The following SLC27A6 variants were observed in gnomAD, a reference collection of about 807,000 sequenced individuals.
The protein encoded by SLC27A6 is solute carrier family 27 member 6, also known as long-chain fatty acid transport protein 6.
In SLC27A6, 74 loss-of-function variants were observed where a neutral mutation model predicts 63.9. The observed-to-expected ratio is 1.16, with a 90% CI of 0.96 to 1.40. The LOEUF is 1.40. SLC27A6 is among the 40% of genes most tolerant of loss of function. SLC27A6 has a pLI of 0.00. For synonymous variants in SLC27A6, 287 were observed against 260.8 expected, an observed-to-expected ratio of 1.10 and a Z score of -0.97; for missense variants, 794 against 732.9, an observed-to-expected ratio of 1.08 and a Z score of -0.96.
At position 128,966,055 on chromosome 5, in the gene SLC27A6, G is replaced by A. The variant is rs1289959701; in HGVS notation, c.-83G>A. 3.4e-6 allele frequency: 5 copies of A among 1,479,958 alleles called. No individual in the cohort carries two copies. The highest frequency in any genetic ancestry group is 2.3e-5 in the East Asian group (1 of 43,552). 91.7% of individuals were successfully genotyped at this position (1,479,958 alleles called of 1,614,324 possible). A position where few individuals can be genotyped will look rare whatever the true frequency, so the allele number is the denominator to read the frequency against. ...TAAGCCCTGAGTAGTGAGGATCTGC[G>A]GTCTCCGTGGAGAGCTGTGCCTGGA... On this transcript the variant is annotated 5_prime_UTR_variant, in exon 1 of 10. Transcript: ENST00000262462.
intron 4 of SLC27A6, among the ~76,000 whole-genome samples, chr5:129,004,020 G>T (rs1450982361): frequency 1.3e-5 from 2 of 150,898 alleles, no homozygotes; most frequent in Non-Finnish European, 3.0e-5. Context: ...GCAGATGTGT[G>T]TGAGCTTTCT....
Position 128,966,457 on chromosome 5 carries a change from C to T in SLC27A6, c.320C>T (p.Thr107Met), listed in dbSNP as rs1554095192. 3 of 1,607,514 alleles carry T rather than the reference C, an allele frequency of 1.9e-6. No homozygotes were observed. Among genetic ancestry groups the T allele is most frequent in the South Asian group, 2.2e-5 (2 of 89,694 alleles). Residue 107 changes from threonine (T) to methionine (M), a missense_variant, in exon 1 of 10, where the codon ACG becomes ATG. By Grantham distance (81) the Thr-to-Met change is moderately conservative. Coordinates refer to ENST00000262462, the MANE Select transcript of SLC27A6 (RefSeq NM_001017372.3). ...LNHSSLKKGD[T>M]VALLMSNEPD... ...CATTCCTCTCTGAAAAAGGGGGACA[C>T]GGTGGCTCTGCTGATGAGCAATGAG...
intron 5 of SLC27A6, among the ~76,000 whole-genome samples, chr5:129,019,904 A>C (rs1035724968): frequency 6.6e-6 from 1 of 152,090 alleles, no homozygotes; most frequent in Admixed American, 6.5e-5. Flanking sequence ...CAAAGAAAAA[A>C]ATAATTATTT....
intron 1 of SLC27A6, among the ~76,000 whole-genome samples, chr5:128,968,039 G>C (rs1304690371): frequency 1.3e-5 from 2 of 151,976 alleles, no homozygotes; most frequent in African/African-American, 4.8e-5. Flanking sequence ...GTGATAGTTT[G>C]CTCAGAATGA....
intron 4 of SLC27A6, among the ~76,000 whole-genome samples, chr5:129,003,024 G>C (rs1299580309): frequency 6.6e-6 from 1 of 152,140 alleles, no homozygotes; most frequent in Non-Finnish European, 1.5e-5. Flanking sequence ...TCTTATTTGT[G>C]TGCTTTGGCA....
chr5:128,987,045 G>A lies in SLC27A6; in HGVS notation c.686-1555G>A, dbSNP rs1025546943. 5.9e-5 allele frequency among the ~76,000 whole-genome samples: 9 copies of A among 152,266 alleles called. No individual in the cohort carries two copies. In the East Asian group the frequency reaches 1.2e-3, roughly 20 times the overall value. ...TCCACCCTGATAGAAGTCCTGAGAC[G>A]TAATTCTGGAAAAGATGAACTTCTG... is the stretch of plus-strand genomic sequence containing the variant. On this transcript the variant is annotated intron_variant, in intron 2 of 9. Coordinates refer to ENST00000262462, the MANE Select transcript of SLC27A6 (RefSeq NM_001017372.3).
chr5:128,995,571 G>C (rs1751130067), intron 4 of SLC27A6, among the ~76,000 whole-genome samples: 1 of 152,144 alleles, frequency 6.6e-6, no homozygotes, highest in Non-Finnish European at 1.5e-5. Context: ...GGTGGTCAGG[G>C]ATGGCTTCAC....
intron 4 of SLC27A6, among the ~76,000 whole-genome samples, chr5:129,007,063 A>AT (rs1013182210): frequency 2.0e-5 from 3 of 152,160 alleles, no homozygotes; most frequent in African/African-American, 4.8e-5. Flanking sequence ...TAATATATAG[A>AT]TTTTTTTGCT....
At chr5:129,004,419 C>A (rs1039159274) in intron 4 of SLC27A6, among the ~76,000 whole-genome samples, 1 of 152,142 alleles carries the variant, frequency 6.6e-6, no homozygotes, top group Non-Finnish European at 1.5e-5. Context: ...GAGTCTCTCA[C>A]TTTCACTCTC....
rs540473562 is a variant in SLC27A6 at position 128,966,197 on chromosome 5, GAAACT to G, written c.61_65del (p.Lys21ProfsTer8). 2.5e-3 allele frequency: 3,983 copies of G among 1,599,346 alleles called. 8 individuals carry two copies. Among genetic ancestry groups the G allele is most frequent in the Admixed American group, 5.0e-3 (286 of 57,690 alleles). On this transcript the variant is annotated frameshift_variant, in exon 1 of 10. Coordinates refer to ENST00000262462, the MANE Select transcript of SLC27A6 (RefSeq NM_001017372.3). LOFTEE classifies it high-confidence loss of function. ...GAATGGTCGTCCTGCACTTCTTGCA[GAAACT>G]CCTGTTCCCTTACTTTTGGGATGAC...
chr5:128,969,101 C>G (rs1750032865), intron 1 of SLC27A6, among the ~76,000 whole-genome samples: 1 of 152,092 alleles, frequency 6.6e-6, no homozygotes, highest in Non-Finnish European at 1.5e-5. Context: ...TCTGAGGGCT[C>G]TGTTCTGCTC....
rs373287443 is a variant in SLC27A6, at chr5:129,004,479, C to T, written c.970-11406C>T. On this transcript the variant is annotated intron_variant, in intron 4 of 9. Transcript: ENST00000262462. ...TTTCACGCTCTCTCTGTCTCTTTGT[C>T]ACTTCATATCTTTCACTTGTGTGAG... 2.0e-5 allele frequency among the ~76,000 whole-genome samples: 3 copies of T among 152,236 alleles called. No homozygotes were observed. In the South Asian group the frequency reaches 6.2e-4, roughly 32 times the overall value.
intron 1 of SLC27A6, 35 bp from the exon 2 acceptor site, chr5:128,985,098 G>T (rs368853212): frequency 8.0e-6 from 12 of 1,504,828 alleles, no homozygotes; most frequent in Non-Finnish European, 1.0e-5. Context: ...GAGATTTAAG[G>T]TTTGCTTAAC....
rs148709641 is a variant in SLC27A6, at chr5:128,985,808, A to G, written c.685+472A>G. ...AACAGTTCTCTATATTCCTGTGTAA[A>G]TTATTAAATCCTAAACATAATCCAG... On this transcript the variant is annotated intron_variant, in intron 2 of 9. Transcript: ENST00000262462. Among the ~76,000 whole-genome samples the G allele has an allele frequency of 7.1e-4, 108 of 152,310 alleles. No individual in the cohort carries two copies. In the East Asian group the frequency reaches 0.017, roughly 24 times the overall value.
At chr5:128,979,115 C>T (rs956962067) in intron 1 of SLC27A6, among the ~76,000 whole-genome samples, 1 of 140,434 alleles carries the variant, frequency 7.1e-6, no homozygotes, top group African/African-American at 2.6e-5. Context: ...CAAATGGATG[C>T]AATCATTATT....
At position 129,029,717 on chromosome 5, in the gene SLC27A6, G is replaced by A. The variant is rs766501008; in HGVS notation, c.1683+10G>A. 4 of 1,592,182 alleles carry A rather than the reference G, an allele frequency of 2.5e-6. No individual in the cohort carries two copies. In the African/African-American group the frequency reaches 4.1e-5, roughly 16 times the overall value. ...ATTTTTAAGAATTCAGGTAATTTTAGTGGCGGAGTTTACTATCAAATATAA... is the reference window on the plus strand; with the variant it reads ...ATTTTTAAGAATTCAGGTAATTTTAATGGCGGAGTTTACTATCAAATATAA... On this transcript the variant is annotated intron_variant, in intron 9 of 9. Coordinates refer to ENST00000262462, the MANE Select transcript of SLC27A6 (RefSeq NM_001017372.3).
chr5:129,024,404 T>C (rs931623666), intron 6 of SLC27A6, among the ~76,000 whole-genome samples: 1 of 152,144 alleles, frequency 6.6e-6, no homozygotes, highest in Admixed American at 6.6e-5. Flanking sequence ...CACTTAGAAA[T>C]GGTGCAACTT....
Position 129,033,326 on chromosome 5 carries a change from G to A in SLC27A6, c.*44G>A. The stretch of plus-strand genomic sequence containing the variant: ...TTTCATATGCTTTCTTAGGAAGAGT[G>A]AGAGGGGGGTATATGATTCTTTATG... On this transcript the variant is annotated 3_prime_UTR_variant, in exon 10 of 10. Transcript: ENST00000262462. The A allele has an allele frequency of 8.3e-7, 1 of 1,203,400 alleles. No homozygotes were observed. Among genetic ancestry groups the A allele is most frequent in the South Asian group, 1.6e-5 (1 of 64,510 alleles). 74.5% of individuals were successfully genotyped at this position (1,203,400 alleles called of 1,614,324 possible).
At chr5:129,018,896 C>A (rs1363277849) in intron 5 of SLC27A6, among the ~76,000 whole-genome samples, 1 of 152,028 alleles carries the variant, frequency 6.6e-6, no homozygotes, top group East Asian at 1.9e-4. Context: ...TACTTTATGA[C>A]TTCTAGTCTG....
Sources: gnomAD v4.1 joint callset for allele counts (sites outside exome capture counted in the v4.1 genomes callset) on GRCh38, gnomAD v4.1.1 for gene constraint, MANE v1.5 for transcripts, NCBI Gene and HGNC (gene_info 2026-07-23, HGNC 2026-07-21) for gene names.